The following DUSP19 variants were observed in gnomAD, a reference collection of about 807,000 sequenced individuals.
DUSP19 encodes the protein dual specificity phosphatase 19.
A neutral mutation model predicts 16.6 loss-of-function variants in DUSP19; 14 were observed. The ratio of observed to expected loss-of-function variants is 0.84; its 90% CI spans 0.56 to 1.32. The LOEUF (loss-of-function observed/expected upper bound fraction) is 1.32, where lower values mean the gene tolerates loss of function less well. Among genes scored for constraint, DUSP19 ranks in the 40% most tolerant of loss-of-function variants. DUSP19 has a pLI of 0.00. For synonymous variants in DUSP19, 81 were observed against 90.5 expected (o/e 0.90, Z 0.59); for missense variants, 258 against 255.9 (o/e 1.01, Z -0.06).
At chr2:183,095,314 A>C in intron 3 of DUSP19, 117 bp from the exon 4 acceptor site, 1 of 834,408 alleles carries the variant, frequency 1.2e-6, no homozygotes, top group Non-Finnish European at 1.8e-6. Context: ...TGAATCAAAT[A>C]AATCAATAAA....
intron 1 of DUSP19, among the ~76,000 whole-genome samples, chr2:183,080,470 A>T (rs1030880006): frequency 6.6e-6 from 1 of 152,220 alleles, no homozygotes; most frequent in Non-Finnish European, 1.5e-5. Context: ...ATTTACAGTG[A>T]AAAAGTGAGT....
chr2:183,079,269 G>A (rs1699561386), intron 1 of DUSP19, 110 bp downstream of exon 1: 1 of 1,108,438 alleles, frequency 9.0e-7, no homozygotes, highest in South Asian at 1.6e-5. Flanking sequence ...CTGCCGAAAA[G>A]CTGAACTGTT....
At chr2:183,089,149 A>C (rs1427167882) in intron 3 of DUSP19, among the ~76,000 whole-genome samples, 1 of 152,166 alleles carries the variant, frequency 6.6e-6, no homozygotes, top group Non-Finnish European at 1.5e-5. Context: ...TTAATTTGAG[A>C]GGTACAATCT....
At chr2:183,083,583 T>C in intron 2 of DUSP19, 29 bp downstream of exon 2, 1 of 1,573,130 alleles carries the variant, frequency 6.4e-7, no homozygotes, top group South Asian at 1.2e-5. Context: ...TCTGGCACCA[T>C]ATACACAGAA....
chr2:183,090,763 A>T (rs1029781525), intron 3 of DUSP19, among the ~76,000 whole-genome samples: 7 of 152,152 alleles, frequency 4.6e-5, no homozygotes, highest in African/African-American at 1.7e-4. Flanking sequence ...TATCTTGAAA[A>T]TACCTTCTCC....
chr2:183,098,587 T>C lies in DUSP19; in HGVS notation c.*2929T>C, dbSNP rs1255912843. 7 of 152,212 alleles carry C rather than the reference T, an allele frequency of 4.6e-5. No individual in the cohort carries two copies. The highest frequency in any genetic ancestry group is 1.0e-4 in the Non-Finnish European group (7 of 68,000). 9.4% of individuals were successfully genotyped at this position (152,212 alleles called of 1,614,324 possible). A position where few individuals can be genotyped will look rare whatever the true frequency, so the allele number is the denominator to read the frequency against. On this transcript the variant is annotated 3_prime_UTR_variant, in exon 4 of 4. Coordinates refer to ENST00000354221, the MANE Select transcript of DUSP19 (RefSeq NM_080876.4). ...GAGGAAAAATAGTTCAAGGAGTTTT[T>C]GCCTCTTTGTTTTTCAATAGATTAT...
rs1438937788 is a variant in DUSP19 at position 183,083,534 on chromosome 2, G to C, written c.253G>C (p.Asp85His). 8 of 1,610,804 alleles carry C rather than the reference G, an allele frequency of 5.0e-6. No individual in the cohort carries two copies. In the South Asian group the frequency reaches 8.9e-5, roughly 18 times the overall value. Reference sequence around the variant, plus strand: ...GTCACAAGATGCTGCTCATGATTTGGATACACTGAAAAAGAATAAGGTAAA... The same window carrying C: ...GTCACAAGATGCTGCTCATGATTTGCATACACTGAAAAAGAATAAGGTAAA... ...LGSQDAAHDLDTLKKNKVTHI... is the reference protein window; with the variant it reads ...LGSQDAAHDLHTLKKNKVTHI... The change falls in exon 2 of 4, where the codon GAT becomes CAT. Residue 85 changes from aspartate to histidine, a missense_variant. Transcript: ENST00000354221.
chr2:183,096,132 T>A lies in DUSP19; in HGVS notation c.*474T>A, dbSNP rs1442278394. ...AATACCTTAAATCTCCCAAAAGAGA[T>A]AACCAGTATCTGAAGGTTTATACAA... On this transcript the variant is annotated 3_prime_UTR_variant, in exon 4 of 4. Transcript: ENST00000354221. 3.9e-5 allele frequency: 6 copies of A among 152,272 alleles called. No individual in the cohort carries two copies. Among genetic ancestry groups the A allele is most frequent in the Non-Finnish European group, 8.8e-5 (6 of 68,118 alleles). The allele number at this position is 152,272 out of a possible 1,614,324, so 9.4% of individuals were successfully genotyped here.
chr2:183,095,845 CTT>C lies in DUSP19; in HGVS notation c.*189_*190del. 8 of 418,474 alleles carry C rather than the reference CTT, an allele frequency of 1.9e-5. 1 individual carries two copies. The South Asian group carries it at 3.6e-4, about 19-fold the overall frequency. 25.9% of individuals were successfully genotyped at this position (418,474 alleles called of 1,614,324 possible). A position where few individuals can be genotyped will look rare whatever the true frequency, so the allele number is the denominator to read the frequency against. On this transcript the variant is annotated 3_prime_UTR_variant, in exon 4 of 4. Transcript: ENST00000354221. Reference sequence around the variant, plus strand: ...TAAATTTCAAATGTCATTACTTTCTCTTTGTTATTATAATGTGTGATTAAATG... The same window carrying C: ...TAAATTTCAAATGTCATTACTTTCTCTGTTATTATAATGTGTGATTAAATG...
Position 183,095,464 on chromosome 2 carries a change from G to A in DUSP19, c.460G>A (p.Val154Ile), listed in dbSNP as rs369033410. The change falls in exon 4 of 4, where the codon GTT becomes ATT. Residue 154 changes from valine (V) to isoleucine (I), a missense_variant. By Grantham distance (29) the Val-to-Ile change is conservative (BLOSUM62 3). Transcript: ENST00000354221. ...GVVLVHCNAGVSRAAAIVIGF... is the reference protein window; with the variant it reads ...GVVLVHCNAGISRAAAIVIGF... ...GGTTCTTGTTCATTGTAATGCAGGC[G>A]TTTCCAGGGCTGCTGCAATTGTAAT... 37 of 1,612,296 alleles carry A rather than the reference G, an allele frequency of 2.3e-5. 1 individual carries two copies. Among genetic ancestry groups the A allele is most frequent in the Middle Eastern group, 1.6e-4 (1 of 6,074 alleles).
Position 183,098,268 on chromosome 2 carries a change from ATTTATCT to A in DUSP19, c.*2614_*2620del, listed in dbSNP as rs1225344395. ...ATAGTGATCTGGGTAAGATTCAAAC[ATTTATCT>A]TTTGTATCTTCTACAGAAGTGCTTT... On this transcript the variant is annotated 3_prime_UTR_variant, in exon 4 of 4. Transcript: ENST00000354221. 1.3e-5 allele frequency: 2 copies of A among 152,142 alleles called. No individual in the cohort carries two copies. The highest frequency in any genetic ancestry group is 2.9e-5 in the Non-Finnish European group (2 of 68,006). The allele number at this position is 152,142 out of a possible 1,614,324, so 9.4% of individuals were successfully genotyped here.
At chr2:183,088,410 GT>G (rs71008263) in intron 3 of DUSP19, among the ~76,000 whole-genome samples, 202 of 118,560 alleles carry the variant, frequency 1.7e-3, no homozygotes, top group Non-Finnish European at 2.3e-3. Flanking sequence ...TTTTTTTTTT[GT>G]TTTTTTTTTT....
intron 2 of DUSP19, 52 bp from the exon 3 acceptor site, chr2:183,086,988 G>A: frequency 1.3e-6 from 2 of 1,557,922 alleles, no homozygotes; most frequent in Non-Finnish European, 1.7e-6. Context: ...CTCTTTTTAG[G>A]TAACCTAATT....
chr2:183,082,880 T>G (rs1302541485), intron 1 of DUSP19, among the ~76,000 whole-genome samples: 1 of 142,136 alleles, frequency 7.0e-6, no homozygotes, highest in Non-Finnish European at 1.5e-5. Context: ...TCTCTTGTCT[T>G]GTCTTGTCTT....
At chr2:183,084,200 G>A (rs1340154330) in intron 2 of DUSP19, among the ~76,000 whole-genome samples, 1 of 152,046 alleles carries the variant, frequency 6.6e-6, no homozygotes, top group East Asian at 1.9e-4. Flanking sequence ...ACCCATGTTT[G>A]GTTTGGTTTG....
intron 1 of DUSP19, among the ~76,000 whole-genome samples, chr2:183,080,313 A>C (rs1474166886): frequency 6.6e-6 from 1 of 152,230 alleles, no homozygotes; most frequent in East Asian, 1.9e-4. Context: ...TTGTTGTAAA[A>C]GGTTTTTGAT....
At chr2:183,094,866 T>C (rs1699777473) in intron 3 of DUSP19, among the ~76,000 whole-genome samples, 1 of 152,220 alleles carries the variant, frequency 6.6e-6, no homozygotes, top group African/African-American at 2.4e-5. Flanking sequence ...ACACTAAGTA[T>C]ACTCTGGAGT....
At chr2:183,091,405 G>T (rs546816471) in intron 3 of DUSP19, among the ~76,000 whole-genome samples, 1 of 152,288 alleles carries the variant, frequency 6.6e-6, no homozygotes, top group South Asian at 2.1e-4. Flanking sequence ...ACACTCCACA[G>T]TGTCGGAGCA....
chr2:183,086,651 G>GA (rs71008262), intron 2 of DUSP19, among the ~76,000 whole-genome samples: 21,997 of 95,618 alleles, frequency 0.23, 4,346 homozygotes, highest in African/African-American at 0.55. Context: ...CCTCTTCTCT[G>GA]AAAAAAAAAA....
Sources: allele counts gnomAD v4.1 joint callset (sites outside exome capture counted in the v4.1 genomes callset), GRCh38; gene constraint gnomAD v4.1.1; transcripts MANE v1.5; gene names NCBI Gene and HGNC (gene_info 2026-07-23, HGNC 2026-07-21).